The following CFAP299 variants were observed in gnomAD, a reference collection of about 807,000 sequenced individuals.
CFAP299 encodes cilia- and flagella-associated protein 299.
Under a neutral mutation model 27.0 loss-of-function variants are expected in CFAP299, and 21 were observed. The ratio of observed to expected loss-of-function variants is 0.78; its 90% CI spans 0.55 to 1.12. The LOEUF (loss-of-function observed/expected upper bound fraction) is 1.12, where lower values mean the gene tolerates loss of function less well. Among genes scored for constraint, CFAP299 ranks in the 50% most tolerant of loss-of-function variants. The pLI, the probability that CFAP299 is intolerant of heterozygous loss-of-function variation, is 0.00. For synonymous variants in CFAP299, 104 were observed against 98.1 expected (o/e 1.06, Z -0.36); for missense variants, 310 against 276.6 (o/e 1.12, Z -0.86).
chr4:80,731,147 G>C (rs1723497626), intron 3 of CFAP299, among the ~76,000 whole-genome samples: 1 of 152,126 alleles, frequency 6.6e-6, no homozygotes, highest in South Asian at 2.1e-4. Flanking sequence ...AAAATATAAA[G>C]AATAATCTTT....
intron 3 of CFAP299, among the ~76,000 whole-genome samples, chr4:80,783,512 C>T (rs1346954117): frequency 1.3e-5 from 2 of 152,126 alleles, no homozygotes; most frequent in Non-Finnish European, 2.9e-5. Context: ...AACTCATTTT[C>T]CTTCATAAAT....
intron 3 of CFAP299, among the ~76,000 whole-genome samples, chr4:80,830,601 G>A (rs138024393): frequency 1.3e-5 from 2 of 152,034 alleles, no homozygotes; most frequent in African/African-American, 4.8e-5. Flanking sequence ...TGTTAGGAAG[G>A]CCAAACTATC....
At chr4:80,890,014 TATC>T (rs1734181717) in intron 4 of CFAP299, among the ~76,000 whole-genome samples, 1 of 152,118 alleles carries the variant, frequency 6.6e-6, no homozygotes, top group African/African-American at 2.4e-5. Flanking sequence ...CCACAGCTAA[TATC>T]ATACTGAATG....
intron 2 of CFAP299, among the ~76,000 whole-genome samples, chr4:80,563,053 G>A (rs771690776): frequency 7.9e-5 from 12 of 151,888 alleles, no homozygotes; most frequent in Non-Finnish European, 1.8e-4. Flanking sequence ...ATATGTAAAG[G>A]AAATAATATT....
intron 4 of CFAP299, among the ~76,000 whole-genome samples, chr4:80,909,929 T>G (rs1033819920): frequency 5.3e-5 from 8 of 152,260 alleles, no homozygotes; most frequent in African/African-American, 1.9e-4. Context: ...TTCAAATAAC[T>G]TATAATTAAC....
In CFAP299 at chr4:80,394,653, T is replaced by C. The variant is rs140025657; in HGVS notation, c.242+31769T>C. On this transcript the variant is annotated intron_variant, in intron 2 of 5. Coordinates refer to ENST00000358105, the MANE Select transcript of CFAP299 (RefSeq NM_152770.3). ...CATTCTTCCACATGCAGAGAATCAG[T>C]TTTCCAAACAACATTTTTTGAAGAG... is the stretch of plus-strand genomic sequence containing the variant. Among the ~76,000 whole-genome samples the C allele has an allele frequency of 1.6e-3, 241 of 152,262 alleles. 1 individual carries two copies. The highest frequency in any genetic ancestry group is 5.3e-3 in the African/African-American group (220 of 41,564).
chr4:80,596,757 C>G (rs1164199467), intron 3 of CFAP299, among the ~76,000 whole-genome samples: 1 of 152,072 alleles, frequency 6.6e-6, no homozygotes, highest in Non-Finnish European at 1.5e-5. Context: ...AGTCACAACT[C>G]TCCTATTCTC....
intron 3 of CFAP299, among the ~76,000 whole-genome samples, chr4:80,703,036 A>G (rs368692873): frequency 6.6e-6 from 1 of 151,826 alleles, no homozygotes; most frequent in East Asian, 1.9e-4. Flanking sequence ...CCCTGTCTTG[A>G]CTTTGTGAGA....
At chr4:80,832,104 A>ATG (rs1203628429) in intron 3 of CFAP299, among the ~76,000 whole-genome samples, 1 of 152,060 alleles carries the variant, frequency 6.6e-6, no homozygotes, top group African/African-American at 2.4e-5. Context: ...TACTCCTTTG[A>ATG]TGCTCCAAAC....
At chr4:80,453,453 A>G (rs1728991518) in intron 2 of CFAP299, among the ~76,000 whole-genome samples, 1 of 152,152 alleles carries the variant, frequency 6.6e-6, no homozygotes, top group African/African-American at 2.4e-5. Flanking sequence ...TTTAATTAGT[A>G]GTGTGGCATG....
upstream of CFAP299, among the ~76,000 whole-genome samples, chr4:80,333,358 AGC>A (rs1242264541): frequency 1.3e-4 from 20 of 152,356 alleles, no homozygotes; most frequent in East Asian, 3.7e-3. Context: ...GTTAACAAGC[AGC>A]TAGGCAACAC....
At chr4:80,386,423 C>T (rs1015895699) in intron 2 of CFAP299, 2 of 1,545,214 alleles carry the variant, frequency 1.3e-6, no homozygotes, top group African/African-American at 2.7e-5. Flanking sequence ...TCATCTCCTC[C>T]AGCCCCAGCG....
chr4:80,867,321 T>C (rs1463304429), intron 3 of CFAP299, among the ~76,000 whole-genome samples: 1 of 152,228 alleles, frequency 6.6e-6, no homozygotes, highest in Non-Finnish European at 1.5e-5. Context: ...GTATGTTTTT[T>C]GATCACTTAA....
At chr4:80,460,954 T>C (rs1159298748) in intron 2 of CFAP299, among the ~76,000 whole-genome samples, 3 of 152,134 alleles carry the variant, frequency 2.0e-5, no homozygotes, top group African/African-American at 7.2e-5. Flanking sequence ...ATTTTATACA[T>C]TTTAGGGAGA....
rs571017094 is a variant in CFAP299, at chr4:80,623,445, T to C, written c.333+40262T>C. Among the ~76,000 whole-genome samples the C allele has an allele frequency of 5.6e-4, 86 of 152,272 alleles. 1 individual carries two copies. The highest frequency in any genetic ancestry group is 1.9e-3 in the African/African-American group (79 of 41,566). On this transcript the variant is annotated intron_variant, in intron 3 of 5. Transcript: ENST00000358105. ...AAACGAAGAGATGGGTGGAACACGA[T>C]GGCAAAGTAGAACTCTTTGGCAGTC...
At chr4:80,881,895 G>A (rs1470619753) in intron 4 of CFAP299, among the ~76,000 whole-genome samples, 2 of 152,094 alleles carry the variant, frequency 1.3e-5, no homozygotes, top group African/African-American at 2.4e-5. Context: ...AATTCAATAA[G>A]GAGATAGAAA....
intron 3 of CFAP299, among the ~76,000 whole-genome samples, chr4:80,590,139 A>T (rs1033140939): frequency 1.3e-5 from 2 of 152,182 alleles, no homozygotes; most frequent in African/African-American, 4.8e-5. Context: ...TCAACATAGG[A>T]TCATCTCAAA....
intron 3 of CFAP299, among the ~76,000 whole-genome samples, chr4:80,605,226 A>G (rs1038648295): frequency 6.6e-6 from 1 of 152,218 alleles, no homozygotes; most frequent in South Asian, 2.1e-4. Flanking sequence ...TTTTCATTGA[A>G]GAAATACTTC....
chr4:80,524,002 G>A (rs1388321863), intron 2 of CFAP299, among the ~76,000 whole-genome samples: 2 of 152,020 alleles, frequency 1.3e-5, no homozygotes, highest in Non-Finnish European at 2.9e-5. Flanking sequence ...AGGCCTTTGG[G>A]TTAATACTGA....
Sources: gnomAD v4.1 joint callset for allele counts (sites outside exome capture counted in the v4.1 genomes callset) on GRCh38, gnomAD v4.1.1 for gene constraint, MANE v1.5 for transcripts, NCBI Gene and HGNC (gene_info 2026-07-23, HGNC 2026-07-21) for gene names.